The following GABRB1 variants were observed in gnomAD, a reference collection of about 807,000 sequenced individuals.
GABRB1 encodes the protein gamma-aminobutyric acid receptor subunit beta-1.
GABRB1 carries 17 observed loss-of-function variants against 51.6 expected under a neutral mutation model. The ratio of observed to expected loss-of-function variants is 0.33; its 90% CI spans 0.23 to 0.49. The LOEUF (loss-of-function observed/expected upper bound fraction) is 0.49, where lower values mean the gene tolerates loss of function less well. GABRB1 is among the 20% of genes least tolerant of loss of function. The pLI, the probability that GABRB1 is intolerant of heterozygous loss-of-function variation, is 0.99. For missense variants in GABRB1, 410 were observed against 600.6 expected (o/e 0.68, Z 3.32); for synonymous variants, 247 against 218.9 (o/e 1.13, Z -1.14).
At chr4:47,326,026 CAG>C in intron 5 of GABRB1, among the ~76,000 whole-genome samples, 1 of 152,194 alleles carries the variant, frequency 6.6e-6, no homozygotes, top group Non-Finnish European at 1.5e-5. Context: ...TGGAAAATTC[CAG>C]AAATAAACTT....
At chr4:47,386,127 A>G (rs4328889) in intron 5 of GABRB1, among the ~76,000 whole-genome samples, 111,277 of 152,064 alleles carry the variant, frequency 0.73, 42,053 homozygotes, top group African/African-American at 0.93. Context: ...CTGGAGGTTG[A>G]GGTGGGGACT....
intron 3 of GABRB1, among the ~76,000 whole-genome samples, chr4:47,121,816 G>A (rs1715789016): frequency 1.3e-5 from 2 of 152,114 alleles, no homozygotes; most frequent in Admixed American, 6.5e-5. Context: ...TTATACTAGG[G>A]ACTTATAAAC....
At chr4:47,167,406 TG>T (rs35368199) in intron 4 of GABRB1, among the ~76,000 whole-genome samples, 6,359 of 151,822 alleles carry the variant, frequency 0.042, 188 homozygotes, top group Middle Eastern at 0.075. Context: ...TTAACCTCCT[TG>T]AAAAAAAAAA....
chr4:47,037,550 G>GTTTTTTT (rs1266111690), intron 3 of GABRB1, among the ~76,000 whole-genome samples: 3 of 21,772 alleles, frequency 1.4e-4, no homozygotes, highest in African/African-American at 1.9e-4. Context: ...TGTTGTTGTT[G>GTTTTTTT]TTTTTTGTTT....
intron 8 of GABRB1, among the ~76,000 whole-genome samples, chr4:47,424,389 T>G (rs1196952793): frequency 6.6e-6 from 1 of 152,158 alleles, no homozygotes; most frequent in Admixed American, 6.5e-5. Flanking sequence ...TATTAAACAG[T>G]AATATAAATG....
intron 4 of GABRB1, among the ~76,000 whole-genome samples, chr4:47,291,621 G>T (rs571245597): frequency 1.2e-4 from 18 of 152,308 alleles, no homozygotes; most frequent in African/African-American, 4.3e-4. Context: ...AGCCACAGAG[G>T]AAGAGCCACC....
At chr4:47,303,314 A>G (rs1724329597) in intron 4 of GABRB1, among the ~76,000 whole-genome samples, 1 of 151,838 alleles carries the variant, frequency 6.6e-6, no homozygotes, top group African/African-American at 2.4e-5. Flanking sequence ...ATAAAGAACA[A>G]TGTTGATAGT....
chr4:47,130,257 C>T lies in GABRB1; in HGVS notation c.241-30992C>T, dbSNP rs531979069. On this transcript the variant is annotated intron_variant, in intron 3 of 8. Coordinates refer to ENST00000295454, the MANE Select transcript of GABRB1 (RefSeq NM_000812.4). ...CAAGATTTAAGCAGTCTTGATTGGGCTGGCCCCTGCCCACCTCCACAGCCC... is the reference window on the plus strand; with the variant it reads ...CAAGATTTAAGCAGTCTTGATTGGGTTGGCCCCTGCCCACCTCCACAGCCC... Among the ~76,000 whole-genome samples the T allele has an allele frequency of 7.2e-5, 11 of 152,004 alleles. 1 individual carries two copies. The South Asian group carries it at 1.5e-3, about 20-fold the overall frequency.
chr4:47,049,361 C>T (rs563452089), intron 3 of GABRB1, among the ~76,000 whole-genome samples: 12 of 152,268 alleles, frequency 7.9e-5, no homozygotes, highest in African/African-American at 2.9e-4. Context: ...AGGGGAGAAG[C>T]ATGCCAACTG....
At chr4:47,380,965 C>A (rs191457346) in intron 5 of GABRB1, among the ~76,000 whole-genome samples, 112 of 152,286 alleles carry the variant, frequency 7.4e-4, no homozygotes, top group South Asian at 2.9e-3. Flanking sequence ...TCAGACACTT[C>A]AGATTGTAAA....
chr4:47,354,993 T>G (rs981462155), intron 5 of GABRB1, among the ~76,000 whole-genome samples: 65 of 137,594 alleles, frequency 4.7e-4, no homozygotes, highest in Non-Finnish European at 8.8e-4. Flanking sequence ...TTTTTTTTTT[T>G]TTTTTTTTTT....
chr4:47,362,809 A>T (rs995310749), intron 5 of GABRB1, among the ~76,000 whole-genome samples: 1 of 152,172 alleles, frequency 6.6e-6, no homozygotes, highest in Non-Finnish European at 1.5e-5. Flanking sequence ...CACACACTGC[A>T]TATCAGCTAT....
intron 5 of GABRB1, among the ~76,000 whole-genome samples, chr4:47,379,746 T>C (rs1427984964): frequency 1.3e-5 from 2 of 152,204 alleles, no homozygotes; most frequent in Non-Finnish European, 2.9e-5. Context: ...GGTAATTTTT[T>C]TCTATAGTCT....
At chr4:47,221,905 T>C (rs917417047) in intron 4 of GABRB1, among the ~76,000 whole-genome samples, 4 of 152,096 alleles carry the variant, frequency 2.6e-5, no homozygotes, top group Non-Finnish European at 5.9e-5. Context: ...CTATAACTCA[T>C]GCCTGAAGGA....
chr4:47,210,435 T>A (rs1449654773), intron 4 of GABRB1, among the ~76,000 whole-genome samples: 2 of 152,084 alleles, frequency 1.3e-5, no homozygotes, highest in African/African-American at 4.8e-5. Context: ...ATCTACAGAT[T>A]TTCAATTTCA....
intron 4 of GABRB1, among the ~76,000 whole-genome samples, chr4:47,190,553 G>T (rs1476100838): frequency 6.6e-6 from 1 of 152,002 alleles, no homozygotes; most frequent in Non-Finnish European, 1.5e-5. Flanking sequence ...ATTTTCAAAG[G>T]CTTTTAAATC....
chr4:47,372,918 T>C (rs1727250316), intron 5 of GABRB1, among the ~76,000 whole-genome samples: 2 of 152,146 alleles, frequency 1.3e-5, no homozygotes, highest in African/African-American at 2.4e-5. Context: ...TCCCTCCCCA[T>C]ACTCACACAC....
At chr4:47,365,519 A>G (rs1014134879) in intron 5 of GABRB1, among the ~76,000 whole-genome samples, 2 of 152,158 alleles carry the variant, frequency 1.3e-5, no homozygotes, top group African/African-American at 2.4e-5. Flanking sequence ...GATTGATGTC[A>G]GATGTCTTCC....
At chr4:47,379,211 A>G (rs1339262669) in intron 5 of GABRB1, among the ~76,000 whole-genome samples, 2 of 152,130 alleles carry the variant, frequency 1.3e-5, no homozygotes, top group African/African-American at 2.4e-5. Context: ...CTACTATACA[A>G]CTATGCTATA....
Sources: gnomAD v4.1 joint callset for allele counts (sites outside exome capture counted in the v4.1 genomes callset) on GRCh38, gnomAD v4.1.1 for gene constraint, MANE v1.5 for transcripts, NCBI Gene and HGNC (gene_info 2026-07-23, HGNC 2026-07-21) for gene names.